C11orf58: variants seen among roughly 807,000 people sequenced by gnomAD.
The protein encoded by C11orf58 is chromosome 11 open reading frame 58.
C11orf58 carries 5 observed loss-of-function variants against 22.7 expected under a neutral mutation model. The ratio of observed to expected loss-of-function variants is 0.22; its 90% CI spans 0.12 to 0.46. The LOEUF is 0.46. Among genes scored for constraint, C11orf58 ranks in the 20% least tolerant of loss-of-function variants. C11orf58 has a pLI of 0.99. For synonymous variants in C11orf58, 71 were observed against 70.7 expected (o/e 1.00, Z -0.02); for missense variants, 151 against 223.3 (o/e 0.68, Z 2.06).
At chr11:16,746,557 A>G in intron 2 of C11orf58, 1 of 152,226 alleles carries the variant, frequency 6.6e-6, no homozygotes, top group Non-Finnish European at 1.5e-5. Context: ...AGGATATGTA[A>G]GGTAAGTGTT....
In C11orf58 at chr11:16,755,125, G is replaced by T; in HGVS notation, c.*21G>T. 1 of 1,610,222 alleles carries T rather than the reference G, an allele frequency of 6.2e-7. No homozygotes were observed. The highest frequency in any genetic ancestry group is 8.5e-7 in the Non-Finnish European group (1 of 1,178,360). ...CATAACTCCCAAACGCTTAGTCTTTGTATTAAAAGTAAGCCTTATTGTTAC... is the reference window on the plus strand; with the variant it reads ...CATAACTCCCAAACGCTTAGTCTTTTTATTAAAAGTAAGCCTTATTGTTAC... On this transcript the variant is annotated 3_prime_UTR_variant, in exon 5 of 5. Coordinates refer to ENST00000228136, the MANE Select transcript of C11orf58 (RefSeq NM_014267.6).
In C11orf58 at chr11:16,756,709, G is replaced by A. The variant is rs909287658; in HGVS notation, c.*1605G>A. Reference sequence around the variant, plus strand: ...GGATCACCTGAAGTCAGGAGTTTGAGACCAGCCTGACCAACATGGAGAAAC... The same window carrying A: ...GGATCACCTGAAGTCAGGAGTTTGAAACCAGCCTGACCAACATGGAGAAAC... On this transcript the variant is annotated 3_prime_UTR_variant, in exon 5 of 5. Transcript: ENST00000228136. 2.6e-5 allele frequency: 4 copies of A among 151,878 alleles called. No individual in the cohort carries two copies. The highest frequency in any genetic ancestry group is 4.4e-5 in the Non-Finnish European group (3 of 67,992). The allele number at this position is 151,878 out of a possible 1,614,324, so 9.4% of individuals were successfully genotyped here. A position where few individuals can be genotyped will look rare whatever the true frequency, so the allele number is the denominator to read the frequency against.
At chr11:16,753,986 G>A in intron 4 of C11orf58, 2 of 486,718 alleles carry the variant, frequency 4.1e-6, no homozygotes, top group Non-Finnish European at 7.5e-6. Context: ...GAGCCACCAT[G>A]TCCGGCCAGG....
Position 16,757,646 on chromosome 11 carries a change from G to A in C11orf58, c.*2542G>A, listed in dbSNP as rs1182708266. Among the ~76,000 whole-genome samples, 2 of 152,158 alleles carry A rather than the reference G, an allele frequency of 1.3e-5. No individual in the cohort carries two copies. The highest frequency in any genetic ancestry group is 4.8e-5 in the African/African-American group (2 of 41,432). ...TATCAGGAAAATAGATTATTTTTGT[G>A]CTGTGAAACACTATTCAGTGGAAAG... On this transcript the variant is annotated 3_prime_UTR_variant, in exon 5 of 5. Coordinates refer to ENST00000228136, the MANE Select transcript of C11orf58 (RefSeq NM_014267.6).
chr11:16,751,804 A>T (rs889800060), intron 3 of C11orf58: 1 of 152,250 alleles, frequency 6.6e-6, no homozygotes, highest in African/African-American at 2.4e-5. Context: ...GAATGGATTC[A>T]CAACCCATTT....
At position 16,753,599 on chromosome 11, in the gene C11orf58, G is replaced by A. The variant is rs936115749; in HGVS notation, c.318+705G>A. Among the ~76,000 whole-genome samples the A allele has an allele frequency of 4.6e-5, 7 of 151,148 alleles. 1 individual carries two copies. Among genetic ancestry groups the A allele is most frequent in the African/African-American group, 1.5e-4 (6 of 41,170 alleles). On this transcript the variant is annotated intron_variant, in intron 4 of 4. Coordinates refer to ENST00000228136, the MANE Select transcript of C11orf58 (RefSeq NM_014267.6). ...GCTGGCCTTGAACTACTGAGCTCAG[G>A]CAATCCGCCCACCTCAGCCTCCCAA...
chr11:16,739,073 A>G (rs895852469), intron 1 of C11orf58, among the ~76,000 whole-genome samples: 9 of 152,102 alleles, frequency 5.9e-5, no homozygotes, highest in Non-Finnish European at 1.0e-4. Context: ...GGATTGAGGA[A>G]GGAAATTCTG....
intron 1 of C11orf58, among the ~76,000 whole-genome samples, chr11:16,741,498 C>T (rs775815962): frequency 2.6e-4 from 40 of 152,196 alleles, no homozygotes; most frequent in Non-Finnish European, 7.3e-5. Context: ...ATGTATAGTG[C>T]ACCCACGTGC....
At position 16,755,869 on chromosome 11, in the gene C11orf58, CTAAA is replaced by C. The variant is rs745844437; in HGVS notation, c.*770_*773del. 2 of 152,380 alleles carry C rather than the reference CTAAA, an allele frequency of 1.3e-5. No homozygotes were observed. Among genetic ancestry groups the C allele is most frequent in the Non-Finnish European group, 2.9e-5 (2 of 68,010 alleles). The allele number at this position is 152,380 out of a possible 1,614,324, so 9.4% of individuals were successfully genotyped here. A position where few individuals can be genotyped will look rare whatever the true frequency, so the allele number is the denominator to read the frequency against. Reference sequence around the variant, plus strand: ...CCAAAGTTAATTTTGTCCCAAAGGTCTAAATAAAGAGCAGTTTCCCATATTTGGC... The same window carrying C: ...CCAAAGTTAATTTTGTCCCAAAGGTCTAAAGAGCAGTTTCCCATATTTGGC... On this transcript the variant is annotated 3_prime_UTR_variant, in exon 5 of 5. Coordinates refer to ENST00000228136, the MANE Select transcript of C11orf58 (RefSeq NM_014267.6).
rs576832927 is a variant in C11orf58, at chr11:16,754,393, T to C, written c.319-478T>C. Among the ~76,000 whole-genome samples the C allele has an allele frequency of 7.2e-5, 11 of 151,732 alleles. No homozygotes were observed. The East Asian group carries it at 1.7e-3, about 24-fold the overall frequency. ...TCACACAGGCTGGAATGTAGTGGCA[T>C]GATCATAGCTCGCTACAGCCTTGAA... On this transcript the variant is annotated intron_variant, in intron 4 of 4. Coordinates refer to ENST00000228136, the MANE Select transcript of C11orf58 (RefSeq NM_014267.6).
At chr11:16,742,062 AAAG>A (rs765818973) in intron 1 of C11orf58, among the ~76,000 whole-genome samples, 3 of 152,202 alleles carry the variant, frequency 2.0e-5, no homozygotes, top group Non-Finnish European at 4.4e-5. Flanking sequence ...AGGTCTTTGA[AAAG>A]AAGAACTGGC....
Position 16,744,660 on chromosome 11 carries a change from C to T in C11orf58, c.123C>T (p.Phe41=), listed in dbSNP as rs777464665. ...DLGNEERKQK[F]LRLMGAGKKE... ...GTAATGAAGAGAGAAAACAAAAGTT[C>T]TTGAGACTTATGGGTGCAGGAAAGG... The change falls in exon 2 of 5, where the codon TTC becomes TTT. Residue 41 remains phenylalanine (F), a synonymous_variant. Coordinates refer to ENST00000228136, the MANE Select transcript of C11orf58 (RefSeq NM_014267.6). The T allele has an allele frequency of 4.3e-6, 7 of 1,613,792 alleles. No homozygotes were observed. Among genetic ancestry groups the T allele is most frequent in the Non-Finnish European group, 5.1e-6 (6 of 1,179,866 alleles).
rs1475273711 is a variant in C11orf58, at chr11:16,752,776, G to A, written c.209-9G>A. On this transcript the variant is annotated splice_polypyrimidine_tract_variant and intron_variant, in intron 3 of 4. Transcript: ENST00000228136. ...ACTGAAACATAACTAAAGTATCCTG[G>A]ACATGCAGGGGAAGAAGACAAGAAA... 17 of 1,575,276 alleles carry A rather than the reference G, an allele frequency of 1.1e-5. No individual in the cohort carries two copies. Among genetic ancestry groups the A allele is most frequent in the Non-Finnish European group, 1.4e-5 (16 of 1,148,610 alleles).
At chr11:16,741,496 T>C (rs1226840340) in intron 1 of C11orf58, among the ~76,000 whole-genome samples, 1 of 152,220 alleles carries the variant, frequency 6.6e-6, no homozygotes, top group Non-Finnish European at 1.5e-5. Context: ...AAATGTATAG[T>C]GCACCCACGT....
intron 4 of C11orf58, chr11:16,753,759 C>T (rs560506826): frequency 2.9e-4 from 115 of 397,358 alleles, no homozygotes; most frequent in South Asian, 2.6e-3. Flanking sequence ...TTTTTTGAGA[C>T]AGGTTCTCAC....
At chr11:16,741,095 A>T (rs1393357978) in intron 1 of C11orf58, among the ~76,000 whole-genome samples, 8 of 35,868 alleles carry the variant, frequency 2.2e-4, no homozygotes, top group Admixed American at 4.0e-4. Context: ...GACTCTGTTT[A>T]AAAAAAAAAA....
chr11:16,753,955 A>G, intron 4 of C11orf58: 1 of 555,020 alleles, frequency 1.8e-6, no homozygotes, highest in South Asian at 2.3e-5. Flanking sequence ...CCGCCTTCCA[A>G]AGTGCTGGAA....
intron 1 of C11orf58, among the ~76,000 whole-genome samples, chr11:16,741,068 C>A (rs1248085410): frequency 2.0e-5 from 3 of 149,648 alleles, no homozygotes; most frequent in Non-Finnish European, 4.4e-5. Flanking sequence ...TGCACTCCAG[C>A]CTGGGCGACA....
At chr11:16,745,720 T>A (rs562660241) in intron 2 of C11orf58, among the ~76,000 whole-genome samples, 4 of 152,298 alleles carry the variant, frequency 2.6e-5, no homozygotes, top group African/African-American at 9.6e-5. Context: ...CAGGAAAATA[T>A]CTATTGTAAA....
Sources: allele counts gnomAD v4.1 joint callset (sites outside exome capture counted in the v4.1 genomes callset), GRCh38; gene constraint gnomAD v4.1.1; transcripts MANE v1.5; gene names NCBI Gene and HGNC (gene_info 2026-07-23, HGNC 2026-07-21).